Variants in CENPC observed in about 807,000 individuals in gnomAD.
CENPC encodes the protein centromere protein C.
A neutral mutation model predicts 112.1 loss-of-function variants in CENPC; 63 were observed. The ratio of observed to expected loss-of-function variants is 0.56; its 90% CI spans 0.46 to 0.69. CENPC has a LOEUF of 0.69. CENPC is among the 30% of genes least tolerant of loss of function. CENPC has a pLI of 0.00. For synonymous variants in CENPC, 333 were observed against 367.6 expected (o/e 0.91, Z 1.08); for missense variants, 1,000 against 1,103.8 (o/e 0.91, Z 1.33).
chr4:67,512,597 T>A (rs187004352), intron 8 of CENPC, 28 bp from the exon 9 acceptor site: 155 of 1,442,548 alleles, frequency 1.1e-4, no homozygotes, highest in Non-Finnish European at 9.4e-5. Flanking sequence ...ATAAAACCAA[T>A]TCACAATCTA....
At chr4:67,499,893 T>C (rs1374092495) in intron 12 of CENPC, among the ~76,000 whole-genome samples, 1 of 152,190 alleles carries the variant, frequency 6.6e-6, no homozygotes, top group Non-Finnish European at 1.5e-5. Context: ...GTAGGGTTAT[T>C]ATTGGCCTAA....
intron 10 of CENPC, among the ~76,000 whole-genome samples, chr4:67,508,602 C>T (rs1018357796): frequency 6.8e-6 from 1 of 147,832 alleles, no homozygotes; most frequent in Non-Finnish European, 1.5e-5. Flanking sequence ...GTGCTATGTA[C>T]TATTCCCTAT....
At chr4:67,527,745 C>A (rs1236902835) in intron 5 of CENPC, among the ~76,000 whole-genome samples, 2 of 151,906 alleles carry the variant, frequency 1.3e-5, no homozygotes, top group African/African-American at 4.8e-5. Context: ...AAGAGATTCT[C>A]CAATCTCAGA....
chr4:67,508,928 G>A lies in CENPC; in HGVS notation c.1790C>T (p.Ala597Val). 1 of 1,613,556 alleles carries A rather than the reference G, an allele frequency of 6.2e-7. No homozygotes were observed. Among genetic ancestry groups the A allele is most frequent in the South Asian group, 1.1e-5 (1 of 91,074 alleles). Reference sequence around the variant, plus strand: ...ACCAACGATACCTCCAGAACCTTCAGCATTTAAAAACTTCTGTACTCTTTG... The same window carrying A: ...ACCAACGATACCTCCAGAACCTTCAACATTTAAAAACTTCTGTACTCTTTG... ...GNQRVQKFLNAEGSGGIVGHD... is the reference protein window; with the variant it reads ...GNQRVQKFLNVEGSGGIVGHD... The change falls in exon 10 of 19, where the codon GCT becomes GTT. Residue 597 changes from alanine to valine, a missense_variant. Coordinates refer to ENST00000273853, the MANE Select transcript of CENPC (RefSeq NM_001812.4).
chr4:67,474,136 G>T (rs1039339438), intron 18 of CENPC, among the ~76,000 whole-genome samples: 11 of 151,626 alleles, frequency 7.3e-5, no homozygotes, highest in Non-Finnish European at 1.5e-4. Context: ...GCAGTCTCTG[G>T]TCACTGCAAG....
intron 4 of CENPC, among the ~76,000 whole-genome samples, chr4:67,537,119 C>A (rs961162928): frequency 5.4e-5 from 8 of 148,976 alleles, no homozygotes; most frequent in African/African-American, 1.5e-4. Flanking sequence ...ATTAACAAGA[C>A]TGGAAAAAGA....
Position 67,512,587 on chromosome 4 carries a change from A to T in CENPC, c.1445-18T>A, listed in dbSNP as rs1188755426. The stretch of plus-strand genomic sequence containing the variant: ...CTTGCTTCCTAAAATAAAGAAAACC[A>T]TAAAACCAATTCACAATCTACTAAA... On this transcript the variant is annotated intron_variant, in intron 8 of 18. Transcript: ENST00000273853. 1 of 1,476,220 alleles carries T rather than the reference A, an allele frequency of 6.8e-7. No homozygotes were observed. Among genetic ancestry groups the T allele is most frequent in the Non-Finnish European group, 9.0e-7 (1 of 1,113,788 alleles). The allele number at this position is 1,476,220 out of a possible 1,614,324, so 91.4% of individuals were successfully genotyped here. A position where few individuals can be genotyped will look rare whatever the true frequency, so the allele number is the denominator to read the frequency against.
chr4:67,483,421 A>G (rs1420316527), intron 17 of CENPC, among the ~76,000 whole-genome samples: 1 of 152,208 alleles, frequency 6.6e-6, no homozygotes, highest in East Asian at 1.9e-4. Context: ...TTGAAGTAAA[A>G]AATAAAATAT....
chr4:67,501,856 T>C (rs1428818615), intron 12 of CENPC, among the ~76,000 whole-genome samples: 1 of 152,010 alleles, frequency 6.6e-6, no homozygotes, highest in Non-Finnish European at 1.5e-5. Flanking sequence ...GATGGAAAAA[T>C]GTTGTAAAAT....
intron 5 of CENPC, among the ~76,000 whole-genome samples, chr4:67,526,978 G>A (rs1390969145): frequency 6.6e-6 from 1 of 152,010 alleles, no homozygotes; most frequent in Non-Finnish European, 1.5e-5. Context: ...AATTAATAAG[G>A]AAAAGATAAT....
chr4:67,482,928 G>T (rs1333658614), intron 17 of CENPC, among the ~76,000 whole-genome samples: 1 of 134,282 alleles, frequency 7.4e-6, no homozygotes, highest in African/African-American at 2.5e-5. Flanking sequence ...ATCCCCACAT[G>T]TCATGGGAGG....
At chr4:67,537,007 C>G (rs972275341) in intron 4 of CENPC, among the ~76,000 whole-genome samples, 1 of 145,042 alleles carries the variant, frequency 6.9e-6, no homozygotes, top group Non-Finnish European at 1.5e-5. Flanking sequence ...GGGCAACATA[C>G]CAAGATCCCT....
intron 12 of CENPC, among the ~76,000 whole-genome samples, chr4:67,502,067 T>A (rs780915199): frequency 1.4e-4 from 21 of 152,098 alleles, no homozygotes; most frequent in Non-Finnish European, 2.5e-4. Flanking sequence ...GCCTTCAAAT[T>A]TCTATTCATA....
intron 8 of CENPC, among the ~76,000 whole-genome samples, chr4:67,513,318 T>C (rs1159488346): frequency 1.3e-5 from 2 of 152,202 alleles, no homozygotes; most frequent in Admixed American, 6.6e-5. Context: ...TGTAGTAACT[T>C]GTCATATGAC....
chr4:67,489,245 A>G (rs1389640357), intron 17 of CENPC, among the ~76,000 whole-genome samples: 1 of 151,260 alleles, frequency 6.6e-6, no homozygotes, highest in Non-Finnish European at 1.5e-5. Context: ...AAACAGACCA[A>G]TGTTGCAGAG....
chr4:67,509,986 C>G (rs1174666721), intron 9 of CENPC, among the ~76,000 whole-genome samples: 1 of 152,144 alleles, frequency 6.6e-6, no homozygotes, highest in African/African-American at 2.4e-5. Flanking sequence ...TCCCAAAACC[C>G]CCCTCCAAAC....
Position 67,494,008 on chromosome 4 carries a change from A to G in CENPC, c.2186-20T>C. 1 of 1,516,508 alleles carries G rather than the reference A, an allele frequency of 6.6e-7. No individual in the cohort carries two copies. The highest frequency in any genetic ancestry group is 9.1e-7 in the Non-Finnish European group (1 of 1,100,634). 93.9% of individuals were successfully genotyped at this position (1,516,508 alleles called of 1,614,324 possible). On this transcript the variant is annotated intron_variant, in intron 13 of 18. Transcript: ENST00000273853. Reference sequence around the variant, plus strand: ...GCAATACTATAAAAAGATGTCAGACAAAAGTGTATACATAGTTTTTAGTTG... The same window carrying G: ...GCAATACTATAAAAAGATGTCAGACGAAAGTGTATACATAGTTTTTAGTTG...
intron 12 of CENPC, 135 bp downstream of exon 12, chr4:67,505,070 C>T: frequency 4.7e-6 from 3 of 644,278 alleles, no homozygotes; most frequent in Non-Finnish European, 8.2e-6. Flanking sequence ...TCTTATTAAT[C>T]TCTAACTAAG....
At chr4:67,503,386 G>A (rs887303301) in intron 12 of CENPC, among the ~76,000 whole-genome samples, 5 of 151,968 alleles carry the variant, frequency 3.3e-5, no homozygotes, top group Non-Finnish European at 7.4e-5. Flanking sequence ...CCTTAGTGAG[G>A]ACTTCTCTGC....
Sources: gnomAD v4.1 joint callset for allele counts (sites outside exome capture counted in the v4.1 genomes callset) on GRCh38, gnomAD v4.1.1 for gene constraint, MANE v1.5 for transcripts, NCBI Gene and HGNC (gene_info 2026-07-23, HGNC 2026-07-21) for gene names.